Variants in ZNF724 observed in about 807,000 individuals in gnomAD.
ZNF724 encodes zinc finger protein 724.
A neutral mutation model predicts 29.3 loss-of-function variants in ZNF724; 14 were observed. The ratio of observed to expected loss-of-function variants is 0.48; its 90% confidence interval spans 0.32 to 0.75. The LOEUF is 0.75. Ranked by LOEUF, ZNF724 falls within the 30% of genes least tolerant of loss-of-function variation. The pLI, the probability that ZNF724 is intolerant of heterozygous loss-of-function variation, is 0.04. For missense variants in ZNF724, 557 were observed against 571.2 expected, an observed-to-expected ratio of 0.98 and a Z score of 0.25; for synonymous variants, 180 against 193.6, an observed-to-expected ratio of 0.93 and a Z score of 0.58.
In ZNF724 at chr19:23,223,481, T is replaced by C. The variant is rs540181411; in HGVS notation, c.764A>G (p.Lys255Arg). The change falls in exon 4 of 4, where the codon AAA becomes AGA. Residue 255 changes from lysine to arginine, a missense_variant. Coordinates refer to ENST00000418100, the MANE Select transcript of ZNF724 (RefSeq NM_001355404.2). ...KIIHTGEKSY[K>R]REECGKAFNI... ...AAAAGCTTTTCCACATTCTTCACGTTTGTAGGATTTCTCTCCAGTATGAAT... is the reference window on the plus strand; with the variant it reads ...AAAAGCTTTTCCACATTCTTCACGTCTGTAGGATTTCTCTCCAGTATGAAT... 5.3e-6 allele frequency: 4 copies of C among 755,936 alleles called. No individual in the cohort carries two copies. The highest frequency in any genetic ancestry group is 1.4e-5 in the South Asian group (1 of 72,284). The allele number at this position is 755,936 out of a possible 1,614,324, so 46.8% of individuals were successfully genotyped here.
rs1971946255 is a variant in ZNF724, at chr19:23,232,174, G to C, written c.123C>G (p.Val41=). 7.4e-7 allele frequency: 1 copy of C among 1,345,490 alleles called. No homozygotes were observed. Among genetic ancestry groups the C allele is most frequent in the African/African-American group, 1.4e-5 (1 of 69,578 alleles). The allele number at this position is 1,345,490 out of a possible 1,614,324, so 83.3% of individuals were successfully genotyped here. A position where few individuals can be genotyped will look rare whatever the true frequency, so the allele number is the denominator to read the frequency against. Residue 41 remains valine, a synonymous_variant, in exon 2 of 4, where the codon GTC becomes GTG. Coordinates refer to ENST00000418100, the MANE Select transcript of ZNF724 (RefSeq NM_001355404.2). ...NVMLENYRNL[V]FLGIAVSKPD... is the part of the protein sequence containing the mutation. ...TATTGAAGTTATTCTCACCCAGGAA[G>C]ACCAGGTTTCTGTAGTTCTCTAACA...
chr19:23,226,911 CAATAGATTCATTT>C (rs1346193134), intron 3 of ZNF724, among the ~76,000 whole-genome samples: 1 of 151,900 alleles, frequency 6.6e-6, no homozygotes, highest in Non-Finnish European at 1.5e-5. Flanking sequence ...ACCAAAAACA[CAATAGATTCATTT>C]TAAGAAACCA....
At chr19:23,237,411 T>G (rs1972038886) in intron 1 of ZNF724, among the ~76,000 whole-genome samples, 1 of 152,110 alleles carries the variant, frequency 6.6e-6, no homozygotes, top group African/African-American at 2.4e-5. Context: ...TGTAGTGAAT[T>G]TTTTTGGATA....
intron 3 of ZNF724, among the ~76,000 whole-genome samples, chr19:23,229,248 C>T (rs1378919413): frequency 1.3e-5 from 2 of 152,086 alleles, no homozygotes; most frequent in Admixed American, 6.6e-5. Context: ...AACTTGGTCC[C>T]ACTGAGAATA....
chr19:23,245,457 C>T (rs1972218681), intron 1 of ZNF724, among the ~76,000 whole-genome samples: 1 of 152,040 alleles, frequency 6.6e-6, no homozygotes, highest in Non-Finnish European at 1.5e-5. Context: ...ATTAAAAATA[C>T]AAAAAATTAG....
rs781358847 is a variant in ZNF724, at chr19:23,223,428, T to G, written c.817A>C (p.Lys273Gln). 1.3e-6 allele frequency: 1 copy of G among 770,272 alleles called. No homozygotes were observed. The highest frequency in any genetic ancestry group is 1.4e-5 in the South Asian group (1 of 73,704). The allele number at this position is 770,272 out of a possible 1,614,324, so 47.7% of individuals were successfully genotyped here. Residue 273 changes from lysine to glutamine, a missense_variant, in exon 4 of 4, where the codon AAG (lysine) becomes CAG (glutamine). Lys to Gln is a moderately conservative substitution (Grantham distance 53). Transcript: ENST00000418100. ...GCATTCTCTCCAGTATGAATTATCT[T>G]ATGTGTAGTAAGGTGTGAGGATATG... The part of the protein sequence containing the change: ...FNISSHLTTH[K>Q]IIHTGENAYK...
chr19:23,240,450 T>C (rs1568344595), intron 1 of ZNF724, among the ~76,000 whole-genome samples: 2 of 151,594 alleles, frequency 1.3e-5, no homozygotes, highest in Non-Finnish European at 2.9e-5. Context: ...TTAAACAAAA[T>C]TATTGGACGA....
rs1302422607 is a variant in ZNF724, at chr19:23,223,543, G to C, written c.702C>G (p.Ala234=). Residue 234 remains alanine, a synonymous_variant, in exon 4 of 4, where the codon GCC becomes GCG. Transcript: ENST00000418100. ...KHYKCEECGI[A]FNKSSHLNTH... ...TGTTAAGGTGTGAGGACTTGTTAAA[G>C]GCTATGCCACATTCTTCACATTTGT... 2 of 735,492 alleles carry C rather than the reference G, an allele frequency of 2.7e-6. No homozygotes were observed. Among genetic ancestry groups the C allele is most frequent in the East Asian group, 5.2e-5 (2 of 38,808 alleles). The allele number at this position is 735,492 out of a possible 1,614,324, so 45.6% of individuals were successfully genotyped here.
intron 3 of ZNF724, among the ~76,000 whole-genome samples, chr19:23,228,231 C>T (rs1971873001): frequency 6.6e-6 from 1 of 152,052 alleles, no homozygotes; most frequent in South Asian, 2.1e-4. Flanking sequence ...AGGTGGGTCA[C>T]CTGAGGTCAG....
intron 1 of ZNF724, among the ~76,000 whole-genome samples, chr19:23,246,507 T>C (rs1034116789): frequency 1.3e-5 from 2 of 151,666 alleles, no homozygotes; most frequent in African/African-American, 4.8e-5. Context: ...ATACAAAAAT[T>C]AGCTGGGCGT....
intron 1 of ZNF724, among the ~76,000 whole-genome samples, chr19:23,244,719 A>T (rs1372325015): frequency 6.6e-6 from 1 of 152,176 alleles, no homozygotes; most frequent in East Asian, 1.9e-4. Flanking sequence ...ACAGATGCTG[A>T]TTCAGGGCTT....
intron 3 of ZNF724, among the ~76,000 whole-genome samples, chr19:23,226,530 C>G (rs942241227): frequency 6.6e-6 from 1 of 152,080 alleles, no homozygotes; most frequent in African/African-American, 2.4e-5. Context: ...GTTTTTACAA[C>G]AATTTTGTAG....
intron 1 of ZNF724, among the ~76,000 whole-genome samples, chr19:23,240,544 A>T (rs1368494591): frequency 6.6e-6 from 1 of 152,082 alleles, no homozygotes; most frequent in Non-Finnish European, 1.5e-5. Context: ...AATGTGACAT[A>T]ATGGAACTGA....
At chr19:23,226,551 G>A (rs1174172727) in intron 3 of ZNF724, among the ~76,000 whole-genome samples, 4 of 151,824 alleles carry the variant, frequency 2.6e-5, no homozygotes, top group Non-Finnish European at 4.4e-5. Flanking sequence ...AAGAAGAACC[G>A]AAAAAAGTAA....
chr19:23,248,513 G>C (rs185825256), intron 1 of ZNF724, among the ~76,000 whole-genome samples: 30 of 151,770 alleles, frequency 2.0e-4, no homozygotes, highest in African/African-American at 7.0e-4. Flanking sequence ...TTAAGTGCCA[G>C]GCAATTAGTC....
At chr19:23,245,156 TTTC>T (rs1399745895) in intron 1 of ZNF724, among the ~76,000 whole-genome samples, 3 of 152,368 alleles carry the variant, frequency 2.0e-5, no homozygotes, top group East Asian at 1.9e-4. Flanking sequence ...TTCTGCCCAT[TTTC>T]TTCTTATTCT....
At chr19:23,230,379 C>A (rs1044045554) in intron 3 of ZNF724, among the ~76,000 whole-genome samples, 1 of 151,988 alleles carries the variant, frequency 6.6e-6, no homozygotes, top group Non-Finnish European at 1.5e-5. Context: ...AAAACACAAT[C>A]ATAAAATTTA....
In ZNF724 at chr19:23,245,370, T is replaced by C. The variant is rs1054854932; in HGVS notation, c.3+4870A>G. Among the ~76,000 whole-genome samples, 4 of 152,138 alleles carry C rather than the reference T, an allele frequency of 2.6e-5. 1 individual carries two copies. Among genetic ancestry groups the C allele is most frequent in the African/African-American group, 9.7e-5 (4 of 41,424 alleles). On this transcript the variant is annotated intron_variant, in intron 1 of 3. Transcript: ENST00000418100. ...GGCTCACGCCTGTAATCCCAGCACTTTGGGAGGCCAAGGCAGGTGGATCAC... is the reference window on the plus strand; with the variant it reads ...GGCTCACGCCTGTAATCCCAGCACTCTGGGAGGCCAAGGCAGGTGGATCAC...
At chr19:23,244,253 G>A (rs933244188) in intron 1 of ZNF724, among the ~76,000 whole-genome samples, 3 of 152,038 alleles carry the variant, frequency 2.0e-5, no homozygotes, top group African/African-American at 7.2e-5. Context: ...GGTGTCTGGG[G>A]AACAGGAATA....
Sources: gnomAD v4.1 joint callset for allele counts (sites outside exome capture counted in the v4.1 genomes callset) on GRCh38, gnomAD v4.1.1 for gene constraint, MANE v1.5 for transcripts, NCBI Gene and HGNC (gene_info 2026-07-23, HGNC 2026-07-21) for gene names.